Variants in PDGFRL observed in about 807,000 individuals in gnomAD.
The protein encoded by PDGFRL is platelet derived growth factor receptor like, also known as platelet-derived growth factor receptor-like protein.
A neutral mutation model predicts 37.2 loss-of-function variants in PDGFRL; 46 were observed. The observed-to-expected ratio is 1.24, with a 90% CI of 0.98 to 1.58. The LOEUF is 1.58. PDGFRL is among the 40% of genes most tolerant of loss of function. The probability of loss-of-function intolerance (pLI) is 0.00; values close to 1 mark genes in which losing one functional copy is unlikely to be tolerated. For synonymous variants in PDGFRL, 251 were observed against 184.3 expected (o/e 1.36, Z -2.93); for missense variants, 692 against 467.6 (o/e 1.48, Z -4.43).
intron 1 of PDGFRL, among the ~76,000 whole-genome samples, chr8:17,582,376 G>C (rs531019691): frequency 6.6e-6 from 1 of 152,080 alleles, no homozygotes; most frequent in Non-Finnish European, 1.5e-5. Flanking sequence ...GAGGTCAGGA[G>C]ATCGAGACCA....
At chr8:17,593,758 G>A (rs115683164) in intron 2 of PDGFRL, among the ~76,000 whole-genome samples, 96 of 152,148 alleles carry the variant, frequency 6.3e-4, no homozygotes, top group African/African-American at 2.2e-3. Flanking sequence ...GCTGGGCATG[G>A]TACATGACTG....
intron 2 of PDGFRL, among the ~76,000 whole-genome samples, chr8:17,605,205 C>T (rs761483804): frequency 8.6e-4 from 130 of 151,972 alleles, no homozygotes; most frequent in African/African-American, 3.1e-3. Flanking sequence ...TAATATAAAC[C>T]GCATTGTGAG....
chr8:17,600,479 A>G (rs1366532096), intron 2 of PDGFRL, among the ~76,000 whole-genome samples: 4 of 152,022 alleles, frequency 2.6e-5, no homozygotes, highest in South Asian at 2.1e-4. Context: ...AGACTGAGCT[A>G]CCTAGCTGCC....
At chr8:17,581,235 G>A (rs1263819102) in intron 1 of PDGFRL, among the ~76,000 whole-genome samples, 3 of 152,042 alleles carry the variant, frequency 2.0e-5, no homozygotes, top group South Asian at 2.1e-4. Flanking sequence ...AGCAAACCCC[G>A]GAGGTAGCTG....
At chr8:17,625,300 C>T (rs888755118) in intron 3 of PDGFRL, among the ~76,000 whole-genome samples, 2 of 152,118 alleles carry the variant, frequency 1.3e-5, no homozygotes, top group Non-Finnish European at 2.9e-5. Flanking sequence ...TACAGGCATG[C>T]GCCACAGTGC....
chr8:17,585,424 A>G (rs1283625638), intron 1 of PDGFRL, among the ~76,000 whole-genome samples: 1 of 152,122 alleles, frequency 6.6e-6, no homozygotes, highest in Non-Finnish European at 1.5e-5. Context: ...CTCGAAAGGA[A>G]GAGAGAAAGG....
chr8:17,630,735 G>T (rs964157537), intron 4 of PDGFRL, among the ~76,000 whole-genome samples: 1 of 152,144 alleles, frequency 6.6e-6, no homozygotes, highest in Non-Finnish European at 1.5e-5. Context: ...GGTAATAAAT[G>T]CTGACCTGGC....
chr8:17,611,076 A>G (rs1804401518), intron 2 of PDGFRL, among the ~76,000 whole-genome samples: 1 of 152,238 alleles, frequency 6.6e-6, no homozygotes, highest in South Asian at 2.1e-4. Context: ...CTTTTGCGGT[A>G]CGCAGTGGGA....
chr8:17,634,714 A>T (rs1804934615), intron 5 of PDGFRL, among the ~76,000 whole-genome samples: 1 of 152,310 alleles, frequency 6.6e-6, no homozygotes, highest in African/African-American at 2.4e-5. Context: ...AAACTAACAC[A>T]GAAACAGAAA....
At chr8:17,618,915 C>G (rs1390774135) in intron 2 of PDGFRL, among the ~76,000 whole-genome samples, 5 of 151,498 alleles carry the variant, frequency 3.3e-5, no homozygotes, top group Admixed American at 3.3e-4. Flanking sequence ...GAGAGTCGAT[C>G]CTAATTAGAA....
intron 1 of PDGFRL, among the ~76,000 whole-genome samples, chr8:17,581,314 C>T (rs1188016277): frequency 6.6e-6 from 1 of 152,120 alleles, no homozygotes; most frequent in Non-Finnish European, 1.5e-5. Context: ...TACCGGTTGC[C>T]AGTGTGGCTG....
intron 2 of PDGFRL, among the ~76,000 whole-genome samples, chr8:17,591,430 C>T (rs772395701): frequency 1.3e-5 from 2 of 152,252 alleles, no homozygotes; most frequent in East Asian, 3.9e-4. Context: ...GGGTTACAGT[C>T]CTGTGCACCT....
chr8:17,576,787 G>A (rs2150803750), upstream of PDGFRL: 1 of 585,620 alleles, frequency 1.7e-6, no homozygotes, highest in Non-Finnish European at 2.2e-6. Context: ...GAGAGAAATG[G>A]AATGAACAGA....
intron 3 of PDGFRL, 62 bp downstream of exon 3, chr8:17,621,264 G>C (rs1197783047): frequency 5.1e-6 from 6 of 1,165,360 alleles, no homozygotes; most frequent in Middle Eastern, 2.2e-4. Flanking sequence ...AGAGCTGAAG[G>C]TTCCCCCACT....
At chr8:17,609,354 A>G (rs936942466) in intron 2 of PDGFRL, among the ~76,000 whole-genome samples, 1 of 151,966 alleles carries the variant, frequency 6.6e-6, no homozygotes, top group Non-Finnish European at 1.5e-5. Flanking sequence ...TAAAAATACA[A>G]AATTTAGCCA....
chr8:17,621,405 GT>G (rs111351818), intron 3 of PDGFRL, among the ~76,000 whole-genome samples: 76 of 141,356 alleles, frequency 5.4e-4, no homozygotes, highest in Middle Eastern at 3.7e-3. Context: ...TATTATTCCT[GT>G]TTTTTTTTTT....
intron 3 of PDGFRL, among the ~76,000 whole-genome samples, chr8:17,622,281 C>A (rs1259039685): frequency 2.6e-5 from 4 of 152,228 alleles, no homozygotes; most frequent in Non-Finnish European, 4.4e-5. Flanking sequence ...AGGAATCTTA[C>A]AAAGCCACCC....
chr8:17,609,948 C>T (rs1216501221), intron 2 of PDGFRL, among the ~76,000 whole-genome samples: 1 of 152,120 alleles, frequency 6.6e-6, no homozygotes, highest in African/African-American at 2.4e-5. Context: ...TTGTTATGAG[C>T]GATTACCTTG....
At chr8:17,613,125 A>C (rs1267819922) in intron 2 of PDGFRL, among the ~76,000 whole-genome samples, 1 of 152,144 alleles carries the variant, frequency 6.6e-6, no homozygotes, top group Non-Finnish European at 1.5e-5. Flanking sequence ...TTTTACGATC[A>C]CTGTCATTGC....
Sources: allele counts gnomAD v4.1 joint callset (sites outside exome capture counted in the v4.1 genomes callset), GRCh38; gene constraint gnomAD v4.1.1; transcripts MANE v1.5; gene names NCBI Gene and HGNC (gene_info 2026-07-23, HGNC 2026-07-21).